The following KALRN variants were observed in gnomAD, a reference collection of about 807,000 sequenced individuals.
KALRN encodes kalirin RhoGEF kinase, also known as kalirin.
A neutral mutation model predicts 353.7 loss-of-function variants in KALRN; 70 were observed. That is an observed-to-expected ratio of 0.20 (90% confidence interval 0.16 to 0.24). KALRN has a LOEUF of 0.24. Among genes scored for constraint, KALRN ranks in the 10% least tolerant of loss-of-function variants. The pLI, the probability that KALRN is intolerant of heterozygous loss-of-function variation, is 1.00. For synonymous variants in KALRN, 1,391 were observed against 1,434.8 expected (o/e 0.97, Z 0.69); for missense variants, 2,791 against 3,756.7 (o/e 0.74, Z 6.72).
rs372318704 is a variant in KALRN, at chr3:124,719,503, G to C, written c.*33G>C. ...CCAGCCCCTATGGTTTCACATAGAC[G>C]TGCAGTGTGAACCAAAGCAAGACTG... On this transcript the variant is annotated 3_prime_UTR_variant, in exon 60 of 60. Transcript: ENST00000682506. This position sits in a 1 kb window ranked among gnomAD's most constrained non-coding sequence, Gnocchi z 5.3. 1.0e-5 allele frequency: 16 copies of C among 1,578,518 alleles called. No homozygotes were observed. In the African/African-American group the frequency reaches 2.2e-4, roughly 21 times the overall value.
intron 1 of KALRN, among the ~76,000 whole-genome samples, chr3:124,056,933 A>T (rs1478270634): frequency 6.6e-6 from 1 of 152,214 alleles, no homozygotes; most frequent in Non-Finnish European, 1.5e-5. Context: ...CTCTTAGTCT[A>T]TAAAGAGGAT....
At chr3:124,436,000 C>T (rs188660764) in intron 17 of KALRN, among the ~76,000 whole-genome samples, 4 of 152,266 alleles carry the variant, frequency 2.6e-5, no homozygotes, top group East Asian at 3.9e-4. Flanking sequence ...AAGACAGAAT[C>T]GTATCTGGTA....
At chr3:124,509,375 A>G (rs2065612499) in intron 33 of KALRN, among the ~76,000 whole-genome samples, 1 of 152,090 alleles carries the variant, frequency 6.6e-6, no homozygotes, top group Non-Finnish European at 1.5e-5. Context: ...CGCCCAACTA[A>G]TTTTTGTATT....
chr3:124,034,994 C>A (rs1197566404), intron 1 of KALRN, among the ~76,000 whole-genome samples: 1 of 151,786 alleles, frequency 6.6e-6, no homozygotes, highest in Non-Finnish European at 1.5e-5. Flanking sequence ...GGGTGCTTTG[C>A]GGGGGAGACT....
At chr3:124,085,501 T>C (rs1011877679) in intron 1 of KALRN, among the ~76,000 whole-genome samples, 2 of 152,222 alleles carry the variant, frequency 1.3e-5, no homozygotes, top group African/African-American at 4.8e-5. Context: ...CATTTTCTCA[T>C]GATATAGTGA....
chr3:124,479,609 TA>T (rs2061759456), intron 27 of KALRN, among the ~76,000 whole-genome samples: 1 of 151,950 alleles, frequency 6.6e-6, no homozygotes, highest in South Asian at 2.1e-4. Flanking sequence ...CCTCATTCTA[TA>T]AATGAGATAA....
At chr3:124,142,111 G>A (rs1204937868) in intron 1 of KALRN, among the ~76,000 whole-genome samples, 1 of 152,134 alleles carries the variant, frequency 6.6e-6, no homozygotes, top group Non-Finnish European at 1.5e-5. Context: ...CCCTTCCCAA[G>A]TACCCCAGGT....
At chr3:124,221,750 G>A (rs575282664) in intron 1 of KALRN, among the ~76,000 whole-genome samples, 34 of 152,268 alleles carry the variant, frequency 2.2e-4, no homozygotes, top group Non-Finnish European at 4.0e-4. Context: ...TGGTCAGATT[G>A]GGGGAAGGGT....
At position 124,281,078 on chromosome 3, in the gene KALRN, C is replaced by T. The variant is rs760003896; in HGVS notation, c.969+11823C>T. 9.9e-5 allele frequency among the ~76,000 whole-genome samples: 15 copies of T among 152,094 alleles called. No individual in the cohort carries two copies. The East Asian group carries it at 1.7e-3, about 18-fold the overall frequency. On this transcript the variant is annotated intron_variant, in intron 5 of 59. Transcript: ENST00000682506. ...TATAATAAAAAAAAGAAAAAAAACACGCAAAGGAATATTAATCTCTTGGAG... is the reference window on the plus strand; with the variant it reads ...TATAATAAAAAAAAGAAAAAAAACATGCAAAGGAATATTAATCTCTTGGAG...
intron 45 of KALRN, among the ~76,000 whole-genome samples, chr3:124,663,872 G>C (rs565890401): frequency 6.6e-6 from 1 of 152,060 alleles, no homozygotes; most frequent in Non-Finnish European, 1.5e-5. Flanking sequence ...TCATGCATTG[G>C]ATTCATGACA....
chr3:124,171,857 A>G (rs933498342), intron 1 of KALRN, among the ~76,000 whole-genome samples: 2 of 152,150 alleles, frequency 1.3e-5, no homozygotes, highest in Non-Finnish European at 2.9e-5. Flanking sequence ...GAATAAAATC[A>G]TCCTCCTGGG....
chr3:124,151,876 T>G, intron 1 of KALRN: 1 of 528,664 alleles, frequency 1.9e-6, no homozygotes, highest in East Asian at 3.2e-5. Flanking sequence ...GAAAGAGAGG[T>G]TATTATTACT....
rs1020840567 is a variant in KALRN, at chr3:124,438,893, T to C, written c.3054T>C (p.Cys1018=). Residue 1018 remains cysteine, a synonymous_variant, in exon 18 of 60, where the codon TGT becomes TGC. Transcript: ENST00000682506. ...VAFYKTSEQV[C]SVLESLEQEY... ...TTTCTTCCATGATTCACTAGGTGTG[T>C]AGTGTCCTGGAGAGCTTAGAGCAAG... is the stretch of plus-strand genomic sequence containing the variant. 2 of 1,612,964 alleles carry C rather than the reference T, an allele frequency of 1.2e-6. No homozygotes were observed. Among genetic ancestry groups the C allele is most frequent in the African/African-American group, 2.7e-5 (2 of 74,892 alleles).
chr3:124,103,820 A>G (rs1387947947), intron 1 of KALRN, among the ~76,000 whole-genome samples: 1 of 152,048 alleles, frequency 6.6e-6, no homozygotes, highest in Non-Finnish European at 1.5e-5. Context: ...GCCGGGTGTG[A>G]CGGCATACAA....
chr3:124,670,965 C>T (rs1480862176), intron 47 of KALRN, among the ~76,000 whole-genome samples: 1 of 152,118 alleles, frequency 6.6e-6, no homozygotes, highest in Non-Finnish European at 1.5e-5. Flanking sequence ...TCTCTCCCGA[C>T]CTCACCACGC....
chr3:124,623,427 C>A (rs73191686), intron 34 of KALRN, among the ~76,000 whole-genome samples: 7,240 of 147,104 alleles, frequency 0.049, 240 homozygotes, highest in Middle Eastern at 0.17. Context: ...CACACACACA[C>A]AAAAGGGAGT....
At chr3:124,603,831 G>A (rs2077049427) in intron 34 of KALRN, among the ~76,000 whole-genome samples, 1 of 152,142 alleles carries the variant, frequency 6.6e-6, no homozygotes, top group Non-Finnish European at 1.5e-5. Context: ...GAATGAAGGT[G>A]TTTTTACCTT....
At chr3:124,304,355 C>T (rs1338424022) in intron 6 of KALRN, among the ~76,000 whole-genome samples, 1 of 152,120 alleles carries the variant, frequency 6.6e-6, no homozygotes, top group Admixed American at 6.5e-5. Flanking sequence ...TTTTTGATTA[C>T]CACCCTAGTT....
Position 124,300,852 on chromosome 3 carries a change from T to C in KALRN, c.1092+1939T>C, listed in dbSNP as rs2077211415. ...ACACAGTCTTGTGTCTTCATCTCAG[T>C]GTAAAGACTCATTTTCTTCCCACTG... is the stretch of plus-strand genomic sequence containing the variant. On this transcript the variant is annotated intron_variant, in intron 6 of 59. Coordinates refer to ENST00000682506, the MANE Select transcript of KALRN (RefSeq NM_001388419.1). 5.3e-5 allele frequency among the ~76,000 whole-genome samples: 8 copies of C among 152,330 alleles called. No homozygotes were observed. The South Asian group carries it at 1.7e-3, about 32-fold the overall frequency.
Sources: allele counts gnomAD v4.1 joint callset (sites outside exome capture counted in the v4.1 genomes callset), GRCh38; gene constraint gnomAD v4.1.1; non-coding constraint Gnocchi (gnomAD v3.1); transcripts MANE v1.5; gene names NCBI Gene and HGNC (gene_info 2026-07-23, HGNC 2026-07-21).